The following RBM26 variants were observed in gnomAD, a reference collection of about 807,000 sequenced individuals.
The protein encoded by RBM26 is RNA binding motif protein 26.
A neutral mutation model predicts 123.6 loss-of-function variants in RBM26; 30 were observed. That is an observed-to-expected ratio of 0.24 (90% CI 0.18 to 0.33). RBM26 has a LOEUF of 0.33. RBM26 is among the 10% of genes least tolerant of loss of function. RBM26 has a pLI of 1.00. For synonymous variants in RBM26, 400 were observed against 404.4 expected, an observed-to-expected ratio of 0.99 and a Z score of 0.13; for missense variants, 947 against 1,203.6, an observed-to-expected ratio of 0.79 and a Z score of 3.15.
intron 1 of RBM26, among the ~76,000 whole-genome samples, chr13:79,405,346 C>T (rs1280487688): frequency 1.3e-5 from 2 of 152,100 alleles, no homozygotes; most frequent in African/African-American, 2.4e-5. Flanking sequence ...CAATAAAGGC[C>T]GTCTACTTCA....
Position 79,319,861 on chromosome 13 carries a change from T to A in RBM26, c.*760A>T, listed in dbSNP as rs2067477677. On this transcript the variant is annotated 3_prime_UTR_variant, in exon 22 of 22. Coordinates refer to ENST00000438737, the MANE Select transcript of RBM26 (RefSeq NM_001366735.2). ...CTTTTGTGATAATTGGGGGGAAGGG[T>A]AGATCACCATCTGGAATGGTCTATT... 3 of 979,582 alleles carry A rather than the reference T, an allele frequency of 3.1e-6. No individual in the cohort carries two copies. The African/African-American group carries it at 5.3e-5, about 17-fold the overall frequency. 60.7% of individuals were successfully genotyped at this position (979,582 alleles called of 1,614,324 possible).
intron 3 of RBM26, among the ~76,000 whole-genome samples, chr13:79,373,582 T>C (rs1243631430): frequency 8.9e-6 from 1 of 112,214 alleles, no homozygotes. Flanking sequence ...AATATATTTA[T>C]ATATTACTAT....
intron 1 of RBM26, among the ~76,000 whole-genome samples, chr13:79,393,555 A>G (rs1049463290): frequency 6.6e-6 from 1 of 152,206 alleles, no homozygotes; most frequent in African/African-American, 2.4e-5. Flanking sequence ...ACTTGAGTAC[A>G]TTCCCTACTT....
At chr13:79,379,450 G>C (rs2076908369) in intron 1 of RBM26, among the ~76,000 whole-genome samples, 1 of 150,486 alleles carries the variant, frequency 6.6e-6, no homozygotes, top group Non-Finnish European at 1.5e-5. Context: ...GGCTGAGGGA[G>C]AAGAATCATC....
At chr13:79,390,480 G>A (rs1488161183) in intron 1 of RBM26, among the ~76,000 whole-genome samples, 2 of 152,028 alleles carry the variant, frequency 1.3e-5, no homozygotes, top group Non-Finnish European at 2.9e-5. Flanking sequence ...AATTTTCCAG[G>A]GCAAGGGTAA....
intron 1 of RBM26, among the ~76,000 whole-genome samples, chr13:79,400,806 T>C (rs1017801995): frequency 6.6e-6 from 1 of 152,176 alleles, no homozygotes; most frequent in Admixed American, 6.5e-5. Flanking sequence ...TATAAATTGA[T>C]TGGTAACACT....
chr13:79,372,862 A>T (rs2076088320), intron 3 of RBM26, among the ~76,000 whole-genome samples: 1 of 65,416 alleles, frequency 1.5e-5, no homozygotes, highest in African/African-American at 1.3e-4. Flanking sequence ...TATAAATATA[A>T]ATATATTTAT....
chr13:79,366,941 A>C, intron 6 of RBM26, 69 bp from the exon 7 acceptor site: 1 of 1,312,520 alleles, frequency 7.6e-7, no homozygotes, highest in Non-Finnish European at 1.0e-6. Context: ...CTAAGTTAGC[A>C]AAAGTAAAAT....
chr13:79,381,070 TA>T (rs2077037210), intron 1 of RBM26, among the ~76,000 whole-genome samples: 1 of 152,112 alleles, frequency 6.6e-6, no homozygotes, highest in Non-Finnish European at 1.5e-5. Flanking sequence ...ACTCAACAAT[TA>T]CTAACACTTA....
chr13:79,343,155 C>A (rs1277876162), intron 16 of RBM26, among the ~76,000 whole-genome samples: 1 of 151,784 alleles, frequency 6.6e-6, no homozygotes, highest in African/African-American at 2.4e-5. Context: ...AATATATTAA[C>A]AATTTTACTT....
At chr13:79,315,322 G>A (rs1478452728), downstream of RBM26, among the ~76,000 whole-genome samples, 2 of 151,836 alleles carry the variant, frequency 1.3e-5, no homozygotes, top group Non-Finnish European at 2.9e-5. Flanking sequence ...AGAAATTTTA[G>A]GAAATCATGA....
In RBM26 at chr13:79,319,554, G is replaced by A. The variant is rs1282197014; in HGVS notation, c.*1067C>T. ...ACTTACCAAACAGTGTTTTCCTAAA[G>A]TAGTATCTATAGTACATTTCTTTAT... On this transcript the variant is annotated 3_prime_UTR_variant, in exon 22 of 22. Coordinates refer to ENST00000438737, the MANE Select transcript of RBM26 (RefSeq NM_001366735.2). 41 of 982,484 alleles carry A rather than the reference G, an allele frequency of 4.2e-5. No homozygotes were observed. The highest frequency in any genetic ancestry group is 5.3e-5 in the African/African-American group (3 of 57,094). The allele number at this position is 982,484 out of a possible 1,614,324, so 60.9% of individuals were successfully genotyped here.
At chr13:79,350,637 G>A (rs2073086436) in intron 14 of RBM26, among the ~76,000 whole-genome samples, 1 of 152,024 alleles carries the variant, frequency 6.6e-6, no homozygotes, top group Non-Finnish European at 1.5e-5. Flanking sequence ...TTGTTGATAG[G>A]GAAGGTATAA....
chr13:79,333,558 C>T (rs569232721), intron 20 of RBM26, among the ~76,000 whole-genome samples: 2 of 152,304 alleles, frequency 1.3e-5, no homozygotes, highest in South Asian at 4.2e-4. Flanking sequence ...TCTTTCATTG[C>T]TTTCATTTGG....
intron 1 of RBM26, among the ~76,000 whole-genome samples, chr13:79,388,579 T>C (rs1365203926): frequency 6.6e-6 from 1 of 152,196 alleles, no homozygotes; most frequent in African/African-American, 2.4e-5. Flanking sequence ...ATACTCACGA[T>C]TCCTCCAAAC....
intron 14 of RBM26, among the ~76,000 whole-genome samples, chr13:79,349,597 T>C (rs1464926450): frequency 6.7e-6 from 1 of 150,374 alleles, no homozygotes; most frequent in African/African-American, 2.4e-5. Flanking sequence ...CATATTTTCC[T>C]GAAAAAAAAA....
At chr13:79,403,925 T>C (rs1376391964) in intron 1 of RBM26, among the ~76,000 whole-genome samples, 1 of 152,222 alleles carries the variant, frequency 6.6e-6, no homozygotes, top group African/African-American at 2.4e-5. Context: ...ACTCCTCTCT[T>C]TTGCCATACA....
intron 14 of RBM26, among the ~76,000 whole-genome samples, chr13:79,349,842 C>T (rs562441811): frequency 2.6e-5 from 4 of 151,862 alleles, no homozygotes; most frequent in Admixed American, 1.3e-4. Flanking sequence ...GGATTACAGG[C>T]GCCCGCCACG....
rs2073837144 is a variant in RBM26 at position 79,355,240 on chromosome 13, A to G, written c.1834T>C (p.Leu612=). The change falls in exon 12 of 22, where the codon TTA becomes CTA. Residue 612 remains leucine, a synonymous_variant. Transcript: ENST00000438737. ...YWHREGSTQQ[L]QTTSPKVMQP... is the part of the protein sequence containing the mutation. ...CTTACCTTTGGAGAAGTAGTTTGTA[A>G]CTGTTGGGTGCTTCCTTCTCTGTGC... 6.2e-7 allele frequency: 1 copy of G among 1,613,866 alleles called. No homozygotes were observed. The highest frequency in any genetic ancestry group is 2.2e-5 in the East Asian group (1 of 44,858).
Sources: allele counts gnomAD v4.1 joint callset (sites outside exome capture counted in the v4.1 genomes callset), GRCh38; gene constraint gnomAD v4.1.1; transcripts MANE v1.5; gene names NCBI Gene and HGNC (gene_info 2026-07-23, HGNC 2026-07-21).